PACRGL: variants seen among roughly 807,000 people sequenced by gnomAD.
The protein encoded by PACRGL is parkin coregulated like, also known as PACRG-like protein.
PACRGL carries 38 observed loss-of-function variants against 34.5 expected under a neutral mutation model. The ratio of observed to expected loss-of-function variants is 1.10; its 90% CI spans 0.85 to 1.44. PACRGL has a LOEUF of 1.44. Among genes scored for constraint, PACRGL ranks in the 40% most tolerant of loss-of-function variants. The pLI is 0.00. For missense variants in PACRGL, 305 were observed against 281.4 expected, an observed-to-expected ratio of 1.08 and a Z score of -0.60; for synonymous variants, 128 against 100.1, an observed-to-expected ratio of 1.28 and a Z score of -1.66.
At chr4:20,759,591 G>T in the PACRGL span, among the ~76,000 whole-genome samples, 1 of 152,082 alleles carries the variant, frequency 6.6e-6, no homozygotes, top group African/African-American at 2.4e-5. Context: ...TGACCTGGAG[G>T]GGCCACAGGG....
At chr4:20,754,903 C>T (rs1466526224), downstream of PACRGL, among the ~76,000 whole-genome samples, 1 of 152,082 alleles carries the variant, frequency 6.6e-6, no homozygotes, top group South Asian at 2.1e-4. Flanking sequence ...TGCATTGGTG[C>T]TTTGATATTA....
At chr4:20,765,101 T>C in the PACRGL span, among the ~76,000 whole-genome samples, 3 of 152,182 alleles carry the variant, frequency 2.0e-5, no homozygotes, top group African/African-American at 4.8e-5. Flanking sequence ...GCCTTCTAAG[T>C]GTCAGCAAAT....
downstream of PACRGL, chr4:20,732,820 A>G (rs778592981): frequency 8.0e-7 from 1 of 1,252,956 alleles, no homozygotes; most frequent in South Asian, 1.2e-5. Context: ...GAGGCTGCAC[A>G]CATGTATGAA....
rs1362910538 is a variant in PACRGL, at chr4:20,730,004, C to T, written c.*2663C>T. 6.6e-7 allele frequency: 1 copy of T among 1,514,138 alleles called. No individual in the cohort carries two copies. The highest frequency in any genetic ancestry group is 2.4e-5 in the East Asian group (1 of 42,522). 93.8% of individuals were successfully genotyped at this position (1,514,138 alleles called of 1,614,324 possible). ...TCAGTGTCAAGCTGAGCAATCTATG[C>T]TAAAAGTGGTAGCTCCAACTTTAAG... On this transcript the variant is annotated 3_prime_UTR_variant, in exon 9 of 9. Transcript: ENST00000503585.
At chr4:20,705,535 T>G (rs1052414481) in intron 3 of PACRGL, among the ~76,000 whole-genome samples, 2 of 152,100 alleles carry the variant, frequency 1.3e-5, no homozygotes, top group African/African-American at 2.4e-5. Flanking sequence ...ACAAATAGTT[T>G]GAGCGGCTAT....
At position 20,704,677 on chromosome 4, in the gene PACRGL, A is replaced by T; in HGVS notation, c.70A>T (p.Thr24Ser). ...TTTTCCAGGTAACTATGATCAAAGG[A>T]CATCATCAAGCACACAGTTAAAACA... ...NRATGNYDQR[T>S]SSSTQLKHRN... Residue 24 changes from threonine to serine, a missense_variant, in exon 3 of 9, where the codon ACA becomes TCA. Physicochemically the swap from Thr to Ser is moderately conservative, Grantham distance 58 (BLOSUM62 1). Coordinates refer to ENST00000503585, the MANE Select transcript of PACRGL (RefSeq NM_001258345.3). The T allele has an allele frequency of 6.2e-7, 1 of 1,614,112 alleles. No homozygotes were observed. The highest frequency in any genetic ancestry group is 8.5e-7 in the Non-Finnish European group (1 of 1,180,004).
rs781680078 is a variant in PACRGL, at chr4:20,730,230, C to A, written c.*2889C>A. ...TGCCTCCTCCCATCAACCACCTCAA[C>A]CACCTATGCCAAAAGCTCAAATATT... is the stretch of plus-strand genomic sequence containing the variant. On this transcript the variant is annotated 3_prime_UTR_variant, in exon 9 of 9. Coordinates refer to ENST00000503585, the MANE Select transcript of PACRGL (RefSeq NM_001258345.3). The A allele has an allele frequency of 6.6e-6, 9 of 1,371,980 alleles. No homozygotes were observed. The highest frequency in any genetic ancestry group is 7.8e-6 in the Non-Finnish European group (8 of 1,028,954). The allele number at this position is 1,371,980 out of a possible 1,614,324, so 85.0% of individuals were successfully genotyped here.
At chr4:20,764,410 A>G in the PACRGL span, among the ~76,000 whole-genome samples, 1 of 152,060 alleles carries the variant, frequency 6.6e-6, no homozygotes, top group Non-Finnish European at 1.5e-5. Flanking sequence ...ACTGTTGCAT[A>G]TTGAGGCGAT....
downstream of PACRGL, chr4:20,732,795 A>G: frequency 6.5e-7 from 1 of 1,527,034 alleles, no homozygotes; most frequent in Non-Finnish European, 9.1e-7. Flanking sequence ...CCTGAAAAAT[A>G]AAAGGCACTC....
chr4:20,726,363 G>C (rs1745630627), intron 8 of PACRGL, among the ~76,000 whole-genome samples: 1 of 151,952 alleles, frequency 6.6e-6, no homozygotes, highest in South Asian at 2.1e-4. Flanking sequence ...AGCTACAAGG[G>C]CTGTTATTAT....
intron 8 of PACRGL, among the ~76,000 whole-genome samples, chr4:20,744,371 A>G (rs1052899938): frequency 3.9e-5 from 6 of 152,186 alleles, no homozygotes; most frequent in African/African-American, 9.7e-5. Context: ...AATGTCCATC[A>G]ATGATAGACT....
At chr4:20,707,671 T>G in intron 3 of PACRGL, 132 bp from the exon 4 acceptor site, 1 of 710,196 alleles carries the variant, frequency 1.4e-6, no homozygotes, top group South Asian at 1.6e-5. Flanking sequence ...GGATTGACAG[T>G]TTTTCTCAAC....
chr4:20,734,498 T>C (rs1749108987), downstream of PACRGL: 1 of 496,392 alleles, frequency 2.0e-6, no homozygotes, highest in Non-Finnish European at 3.5e-6. Context: ...TGTACATCTT[T>C]CTTCCACTAC....
intron 8 of PACRGL, chr4:20,749,722 T>C (rs749012604): frequency 1.2e-6 from 2 of 1,606,172 alleles, no homozygotes; most frequent in Admixed American, 1.7e-5. Context: ...AATGTGCATA[T>C]GTTGTAGAGT....
chr4:20,708,887 G>C (rs1409251628), intron 4 of PACRGL, among the ~76,000 whole-genome samples: 1 of 151,910 alleles, frequency 6.6e-6, no homozygotes, highest in Non-Finnish European at 1.5e-5. Flanking sequence ...AGCACTTTGG[G>C]AGGCCAAGGC....
At position 20,729,475 on chromosome 4, in the gene PACRGL, T is replaced by TTTTTAAATGTTTAATA. The variant is rs2149240035; in HGVS notation, c.*2135_*2150dup. The TTTTTAAATGTTTAATA allele has an allele frequency of 8.4e-6, 1 of 118,558 alleles. No individual in the cohort carries two copies. The highest frequency in any genetic ancestry group is 3.7e-5 in the African/African-American group (1 of 27,242). The allele number at this position is 118,558 out of a possible 1,614,324, so 7.3% of individuals were successfully genotyped here. On this transcript the variant is annotated 3_prime_UTR_variant, in exon 9 of 9. Coordinates refer to ENST00000503585, the MANE Select transcript of PACRGL (RefSeq NM_001258345.3). The stretch of plus-strand genomic sequence containing the variant: ...ATGCTGATATCTGATAATAAACTAA[T>TTTTTAAATGTTTAATA]TTTTAAATGTTTAATAATTTTTAAA...
chr4:20,707,406 A>G (rs770980357), intron 3 of PACRGL, among the ~76,000 whole-genome samples: 29 of 152,192 alleles, frequency 1.9e-4, no homozygotes, highest in Non-Finnish European at 2.1e-4. Flanking sequence ...GCCAGTTTGG[A>G]GAAATGTGAC....
chr4:20,723,925 C>A (rs2052775), intron 7 of PACRGL, among the ~76,000 whole-genome samples: 1 of 151,916 alleles, frequency 6.6e-6, no homozygotes, highest in Non-Finnish European at 1.5e-5. Context: ...GAGGTGCTAT[C>A]GGATCCCCTT....
intron 3 of PACRGL, 100 bp from the exon 4 acceptor site, chr4:20,707,703 T>C (rs1170072730): frequency 1.1e-6 from 1 of 872,420 alleles, no homozygotes; most frequent in East Asian, 2.5e-5. Flanking sequence ...GTAGAAACGG[T>C]GCGCTTCGAT....
Sources: allele counts gnomAD v4.1 joint callset (sites outside exome capture counted in the v4.1 genomes callset), GRCh38; gene constraint gnomAD v4.1.1; transcripts MANE v1.5; gene names NCBI Gene and HGNC (gene_info 2026-07-23, HGNC 2026-07-21).